GRB10: variants seen among roughly 807,000 people sequenced by gnomAD.
The protein encoded by GRB10 is growth factor receptor bound protein 10.
In GRB10, 20 loss-of-function variants were observed where a neutral mutation model predicts 80.9. That is an observed-to-expected ratio of 0.25 (90% CI 0.17 to 0.36). The LOEUF is 0.36. Among genes scored for constraint, GRB10 ranks in the 10% least tolerant of loss-of-function variants. The pLI is 1.00. For missense variants in GRB10, 548 were observed against 747.7 expected, an observed-to-expected ratio of 0.73 and a Z score of 3.12; for synonymous variants, 291 against 291.5, an observed-to-expected ratio of 1.00 and a Z score of 0.02.
In GRB10 at chr7:50,618,152, GA is replaced by G; in HGVS notation, c.778-14del. On this transcript the variant is annotated splice_polypyrimidine_tract_variant and intron_variant, in intron 9 of 18. Coordinates refer to ENST00000401949, the MANE Select transcript of GRB10 (RefSeq NM_001350814.2). ...CTGGGAAGAAATTCTAAGAAAATGGGAAAAAACAAATACGTAAAAGGTTAGC... is the reference window on the plus strand; with the variant it reads ...CTGGGAAGAAATTCTAAGAAAATGGGAAAAACAAATACGTAAAAGGTTAGC... 6.2e-7 allele frequency: 1 copy of G among 1,607,446 alleles called. No homozygotes were observed. Among genetic ancestry groups the G allele is most frequent in the Non-Finnish European group, 8.5e-7 (1 of 1,174,152 alleles).
chr7:50,642,926 C>T (rs2056536418), intron 7 of GRB10, among the ~76,000 whole-genome samples: 1 of 152,180 alleles, frequency 6.6e-6, no homozygotes, highest in African/African-American at 2.4e-5. Context: ...TGGACAACAT[C>T]ATCAGGACAG....
chr7:50,615,021 CGAGGT>C, intron 11 of GRB10, 141 bp from the exon 12 acceptor site: 1 of 696,270 alleles, frequency 1.4e-6, no homozygotes, highest in Non-Finnish European at 2.6e-6. Flanking sequence ...GATTATTACG[CGAGGT>C]GTAATAAGTG....
chr7:50,743,113 C>T (rs1433412626), intron 3 of GRB10, among the ~76,000 whole-genome samples: 1 of 152,182 alleles, frequency 6.6e-6, no homozygotes, highest in African/African-American at 2.4e-5. Flanking sequence ...GCTTTTCTTC[C>T]ACAATGCATT....
intron 13 of GRB10, 125 bp from the exon 14 acceptor site, chr7:50,606,539 C>T: frequency 1.3e-6 from 1 of 745,916 alleles, no homozygotes; most frequent in Non-Finnish European, 2.4e-6. Flanking sequence ...GTACCAGCCT[C>T]CAGGAGCCTG....
intron 7 of GRB10, among the ~76,000 whole-genome samples, chr7:50,650,076 C>T (rs1025474681): frequency 6.6e-5 from 10 of 151,996 alleles, no homozygotes; most frequent in Non-Finnish European, 1.2e-4. Context: ...CAGAGGCTTG[C>T]GGGCCTCCAA....
At chr7:50,725,797 A>G (rs1166067114) in intron 4 of GRB10, among the ~76,000 whole-genome samples, 1 of 152,224 alleles carries the variant, frequency 6.6e-6, no homozygotes, top group Non-Finnish European at 1.5e-5. Context: ...GTCATAGACC[A>G]ATATTGTGTT....
intron 4 of GRB10, among the ~76,000 whole-genome samples, chr7:50,726,257 G>A (rs1005055274): frequency 6.6e-6 from 1 of 152,108 alleles, no homozygotes; most frequent in Non-Finnish European, 1.5e-5. Flanking sequence ...AATTAGCCAG[G>A]TGTGATGGTG....
At chr7:50,757,119 T>A (rs2153703796) in intron 2 of GRB10, among the ~76,000 whole-genome samples, 1 of 152,318 alleles carries the variant, frequency 6.6e-6, no homozygotes, top group South Asian at 2.1e-4. Context: ...GGCTGTTTTT[T>A]GAAACAGGTC....
At chr7:50,614,726 G>A (rs1414347345) in intron 12 of GRB10, 44 bp downstream of exon 12, 2 of 1,185,518 alleles carry the variant, frequency 1.7e-6, no homozygotes. Context: ...AGTCTCCTGT[G>A]GGCTGCTGAG....
intron 7 of GRB10, among the ~76,000 whole-genome samples, chr7:50,647,610 G>A (rs1407073605): frequency 1.3e-5 from 2 of 152,260 alleles, no homozygotes; most frequent in Non-Finnish European, 2.9e-5. Context: ...TTAGATGGCA[G>A]AAGGCAAAGG....
intron 7 of GRB10, among the ~76,000 whole-genome samples, chr7:50,636,323 A>C (rs1334342058): frequency 6.6e-6 from 1 of 152,180 alleles, no homozygotes; most frequent in Non-Finnish European, 1.5e-5. Context: ...GGTGGTCCCA[A>C]TCTTACTGAA....
intron 3 of GRB10, among the ~76,000 whole-genome samples, chr7:50,734,907 G>A (rs150615110): frequency 6.6e-6 from 1 of 152,280 alleles, no homozygotes; most frequent in African/African-American, 2.4e-5. Flanking sequence ...AGACAAAGAC[G>A]CCAACTTTCA....
chr7:50,760,285 T>C (rs966449513), intron 2 of GRB10, among the ~76,000 whole-genome samples: 4 of 152,316 alleles, frequency 2.6e-5, no homozygotes, highest in South Asian at 2.1e-4. Flanking sequence ...ATAGTTTATA[T>C]ACATAGGTAT....
upstream of GRB10, among the ~76,000 whole-genome samples, chr7:50,786,524 T>C (rs1419200480): frequency 6.6e-6 from 1 of 152,230 alleles, no homozygotes; most frequent in African/African-American, 2.4e-5. Flanking sequence ...TCTGGTACTC[T>C]TTCATACACA....
chr7:50,778,654 T>G (rs2077955368), intron 2 of GRB10, among the ~76,000 whole-genome samples: 1 of 151,994 alleles, frequency 6.6e-6, no homozygotes, highest in Non-Finnish European at 1.5e-5. Flanking sequence ...AAGGGTAGGG[T>G]CGGGCTAACG....
chr7:50,595,601 T>TAACACACACA, intron 17 of GRB10, 71 bp from the exon 18 acceptor site: 20 of 556,322 alleles, frequency 3.6e-5, no homozygotes, highest in East Asian at 7.2e-5. Context: ...ACACACTCTC[T>TAACACACACA]TACACACACA....
At chr7:50,634,101 G>A (rs1287918733) in intron 7 of GRB10, among the ~76,000 whole-genome samples, 1 of 152,108 alleles carries the variant, frequency 6.6e-6, no homozygotes, top group Non-Finnish European at 1.5e-5. Context: ...ATTAATTCAA[G>A]GTCAACATGA....
At chr7:50,775,140 GAC>G (rs1328691061) in intron 2 of GRB10, among the ~76,000 whole-genome samples, 1 of 91,704 alleles carries the variant, frequency 1.1e-5, no homozygotes, top group Admixed American at 1.4e-4. Flanking sequence ...CAGCCTGAAT[GAC>G]ACAGTGAGAT....
intron 7 of GRB10, among the ~76,000 whole-genome samples, chr7:50,632,991 TG>T (rs2054290643): frequency 6.6e-6 from 1 of 152,072 alleles, no homozygotes; most frequent in Non-Finnish European, 1.5e-5. Flanking sequence ...ACGGGATCCC[TG>T]GGAATCCCGC....
Sources: gnomAD v4.1 joint callset for allele counts (sites outside exome capture counted in the v4.1 genomes callset) on GRCh38, gnomAD v4.1.1 for gene constraint, MANE v1.5 for transcripts, NCBI Gene and HGNC (gene_info 2026-07-23, HGNC 2026-07-21) for gene names.